SBK1: variants seen among roughly 807,000 people sequenced by gnomAD.
SBK1 encodes the protein serine/threonine-protein kinase SBK1.
SBK1 carries 11 observed loss-of-function variants against 24.4 expected under a neutral mutation model. The observed-to-expected ratio is 0.45, with a 90% CI of 0.28 to 0.75. SBK1 has a LOEUF of 0.75. Ranked by LOEUF, SBK1 falls within the 30% of genes least tolerant of loss-of-function variation. SBK1 has a pLI of 0.12. For missense variants in SBK1, 467 were observed against 620.5 expected (o/e 0.75, Z 2.63); for synonymous variants, 308 against 284.4 (o/e 1.08, Z -0.83).
chr16:28,282,655 C>T (rs1221208029), intron 1 of SBK1, among the ~76,000 whole-genome samples: 1 of 12,616 alleles, frequency 7.9e-5, no homozygotes, highest in Admixed American at 7.4e-4. Flanking sequence ...AATGGAGTGC[C>T]TTGGCCCAGA....
chr16:28,311,437 A>G (rs1194492248), intron 1 of SBK1, among the ~76,000 whole-genome samples: 1 of 152,160 alleles, frequency 6.6e-6, no homozygotes, highest in Non-Finnish European at 1.5e-5. Context: ...AGGACACTAA[A>G]GCCTTAGAGA....
intron 1 of SBK1, among the ~76,000 whole-genome samples, chr16:28,298,896 AC>A (rs1198347082): frequency 6.6e-6 from 1 of 152,188 alleles, no homozygotes; most frequent in African/African-American, 2.4e-5. Context: ...CTGGGCCCCC[AC>A]TGCCTCCAGG....
intron 1 of SBK1, among the ~76,000 whole-genome samples, chr16:28,277,466 C>T (rs2044501101): frequency 6.6e-6 from 1 of 152,072 alleles, no homozygotes; most frequent in South Asian, 2.1e-4. Context: ...CACTTGAGAC[C>T]AGGAGTTTGA....
intron 1 of SBK1, among the ~76,000 whole-genome samples, chr16:28,261,983 G>A (rs1456327073): frequency 2.0e-5 from 3 of 152,184 alleles, no homozygotes; most frequent in African/African-American, 7.2e-5. Flanking sequence ...TAGCTGGCAG[G>A]TTCTGGCCCT....
rs71380914 is a variant in SBK1, at chr16:28,280,149, A to ATGTGTGTGTGTGTGTGTGTGTG, written c.257+20649_257+20670dup. On this transcript the variant is annotated intron_variant, in intron 1 of 3. Transcript: ENST00000671413. ...TATATATATATATATATATATATAT[A>ATGTGTGTGTGTGTGTGTGTGTG]TGTGTGTGTGTGTGTGTGTGTGTAT... Among the ~76,000 whole-genome samples, 335 of 39,208 alleles carry ATGTGTGTGTGTGTGTGTGTGTG rather than the reference A, an allele frequency of 8.5e-3. 20 individuals are homozygous for ATGTGTGTGTGTGTGTGTGTGTG. The highest frequency in any genetic ancestry group is 0.013 in the Non-Finnish European group (247 of 18,334). 25.7% of individuals were successfully genotyped at this position (39,208 alleles called of 152,430 possible).
chr16:28,260,289 G>T (rs1400728604), intron 1 of SBK1, among the ~76,000 whole-genome samples: 3 of 152,130 alleles, frequency 2.0e-5, no homozygotes, highest in African/African-American at 7.2e-5. Flanking sequence ...AGAGATCATT[G>T]TTCCTTTAGC....
intron 1 of SBK1, among the ~76,000 whole-genome samples, chr16:28,270,236 A>G (rs2044456393): frequency 6.6e-6 from 1 of 151,404 alleles, no homozygotes; most frequent in Non-Finnish European, 1.5e-5. Flanking sequence ...TAATTTTTGT[A>G]TTTTTAGTAG....
intron 1 of SBK1, among the ~76,000 whole-genome samples, chr16:28,304,829 C>T (rs2044704606): frequency 6.6e-6 from 1 of 151,978 alleles, no homozygotes; most frequent in South Asian, 2.1e-4. Flanking sequence ...AGGATGGTCT[C>T]GATCTCCTGA....
At chr16:28,279,572 A>G (rs912056886) in intron 1 of SBK1, among the ~76,000 whole-genome samples, 9 of 152,248 alleles carry the variant, frequency 5.9e-5, no homozygotes, top group African/African-American at 2.2e-4. Context: ...AACTACTTTC[A>G]CCTCGAAAAC....
intron 1 of SBK1, among the ~76,000 whole-genome samples, chr16:28,312,063 C>T (rs2044757927): frequency 6.6e-6 from 1 of 152,246 alleles, no homozygotes; most frequent in African/African-American, 2.4e-5. Flanking sequence ...GTGCTGTATG[C>T]ACGTGGACCG....
At chr16:28,262,651 C>T (rs1293981247) in intron 1 of SBK1, among the ~76,000 whole-genome samples, 2 of 152,190 alleles carry the variant, frequency 1.3e-5, no homozygotes, top group African/African-American at 2.4e-5. Context: ...ACTGTGCCCT[C>T]GGCTTCTGTT....
intron 1 of SBK1, among the ~76,000 whole-genome samples, chr16:28,308,234 T>C (rs1372616162): frequency 9.2e-5 from 14 of 152,120 alleles, no homozygotes; most frequent in Admixed American, 9.2e-4. Context: ...CACTGCCAGC[T>C]CCACCTCCCG....
chr16:28,305,676 C>T (rs967281833), intron 1 of SBK1, among the ~76,000 whole-genome samples: 11 of 151,522 alleles, frequency 7.3e-5, no homozygotes, highest in Admixed American at 2.0e-4. Context: ...GGATTACAGG[C>T]GCCTGCCACC....
At position 28,322,920 on chromosome 16, in the gene SBK1, CTCTCTCTCTCCCTCT is replaced by C. The variant is rs1567682928; in HGVS notation, c.*2000_*2014del. The stretch of plus-strand genomic sequence containing the variant: ...GTGCTCGCTCTCTCTCTCGCGCGCG[CTCTCTCTCTCCCTCT>C]CTCTCTCTCTCTCTCTCTCTCTCTC... On this transcript the variant is annotated 3_prime_UTR_variant, in exon 4 of 4. Transcript: ENST00000341901. The C allele has an allele frequency of 2.2e-4, 4 of 17,896 alleles. No individual in the cohort carries two copies. Among genetic ancestry groups the C allele is most frequent in the East Asian group, 1.1e-3 (1 of 918 alleles). 1.1% of individuals were successfully genotyped at this position (17,896 alleles called of 1,614,324 possible). A position where few individuals can be genotyped will look rare whatever the true frequency, so the allele number is the denominator to read the frequency against.
chr16:28,279,196 C>T lies in SBK1; in HGVS notation c.257+19694C>T, dbSNP rs185849676. Among the ~76,000 whole-genome samples, 121 of 140,164 alleles carry T rather than the reference C, an allele frequency of 8.6e-4. 2 individuals are homozygous for T. In the Admixed American group the frequency reaches 9.2e-3, roughly 11 times the overall value. 92.0% of individuals were successfully genotyped at this position (140,164 alleles called of 152,430 possible). On this transcript the variant is annotated intron_variant, in intron 1 of 3. Coordinates refer to the SBK1 transcript ENST00000671413. ...CACTTCAGCCTGCTGGGTGACACAG[C>T]GAGACTCTGTCAAAAAAAAAAAAAA...
At chr16:28,273,473 C>T (rs1597011295) in intron 1 of SBK1, among the ~76,000 whole-genome samples, 1 of 151,882 alleles carries the variant, frequency 6.6e-6, no homozygotes, top group Non-Finnish European at 1.5e-5. Flanking sequence ...ATCCGCCTGC[C>T]TCGGCCTCCC....
At chr16:28,291,767 C>G (rs1360590983), upstream of SBK1, 1 of 152,324 alleles carries the variant, frequency 6.6e-6, no homozygotes, top group African/African-American at 2.4e-5. Flanking sequence ...CCTGCTGTAC[C>G]TCTGCCTAGA....
chr16:28,323,596 C>G lies in SBK1; in HGVS notation c.*2675C>G, dbSNP rs894692114. On this transcript the variant is annotated 3_prime_UTR_variant, in exon 4 of 4. Coordinates refer to ENST00000341901, the MANE Select transcript of SBK1 (RefSeq NM_001024401.3). ...GAACCCCACGGCTGCCAGAATGTTC[C>G]CTGAGCCCACACTGTGGCCAGTGGG... 1 of 152,736 alleles carries G rather than the reference C, an allele frequency of 6.5e-6. No homozygotes were observed. The highest frequency in any genetic ancestry group is 6.5e-5 in the Admixed American group (1 of 15,278). The allele number at this position is 152,736 out of a possible 1,614,324, so 9.5% of individuals were successfully genotyped here.
intron 1 of SBK1, among the ~76,000 whole-genome samples, chr16:28,276,686 GC>G (rs528156179): frequency 1.9e-3 from 286 of 151,766 alleles, no homozygotes; most frequent in African/African-American, 6.7e-3. Flanking sequence ...TTATTTAGGG[GC>G]GGAGTCTCAC....
Sources: allele counts gnomAD v4.1 joint callset (sites outside exome capture counted in the v4.1 genomes callset), GRCh38; gene constraint gnomAD v4.1.1; transcripts MANE v1.5; gene names NCBI Gene and HGNC (gene_info 2026-07-23, HGNC 2026-07-21).